The following LRRC4C variants were observed in gnomAD, a reference collection of about 807,000 sequenced individuals.
The protein encoded by LRRC4C is leucine-rich repeat-containing protein 4C.
In LRRC4C, 5 loss-of-function variants were observed where a neutral mutation model predicts 33.6. The observed-to-expected ratio is 0.15, with a 90% CI of 0.08 to 0.31. LRRC4C has a LOEUF of 0.31. Among genes scored for constraint, LRRC4C ranks in the 10% least tolerant of loss-of-function variants. The pLI is 1.00. For synonymous variants in LRRC4C, 329 were observed against 302.0 expected, an observed-to-expected ratio of 1.09 and a Z score of -0.93; for missense variants, 560 against 796.7, an observed-to-expected ratio of 0.70 and a Z score of 3.58.
chr11:40,508,696 G>T (rs1319662788), intron 3 of LRRC4C, among the ~76,000 whole-genome samples: 1 of 152,072 alleles, frequency 6.6e-6, no homozygotes, highest in Admixed American at 6.6e-5. Flanking sequence ...CTTTTAGAAT[G>T]AATTGTTATG....
chr11:40,470,640 A>G (rs1198545190), intron 3 of LRRC4C, among the ~76,000 whole-genome samples: 2 of 152,200 alleles, frequency 1.3e-5, no homozygotes, highest in African/African-American at 4.8e-5. Context: ...GAACCTTGAT[A>G]TAAGGTTACA....
intron 1 of LRRC4C, among the ~76,000 whole-genome samples, chr11:41,288,938 G>T (rs1290366353): frequency 6.6e-6 from 1 of 150,936 alleles, no homozygotes; most frequent in Non-Finnish European, 1.5e-5. Flanking sequence ...TTTTTTAAGA[G>T]CTCACTTGAT....
At chr11:40,297,576 G>A (rs774840653) in intron 4 of LRRC4C, among the ~76,000 whole-genome samples, 6 of 151,914 alleles carry the variant, frequency 3.9e-5, no homozygotes, top group Non-Finnish European at 5.9e-5. Context: ...CCTAAATACT[G>A]ATGTGCAAAT....
intron 3 of LRRC4C, among the ~76,000 whole-genome samples, chr11:40,506,998 CT>C (rs1414516178): frequency 2.6e-5 from 4 of 151,998 alleles, no homozygotes; most frequent in Admixed American, 2.6e-4. Context: ...ATTCTTATTG[CT>C]TTACTTGACA....
rs367850575 is a variant in LRRC4C, at chr11:41,099,401, A to AC, written c.-495-165679dup. Among the ~76,000 whole-genome samples, 35 of 151,272 alleles carry AC rather than the reference A, an allele frequency of 2.3e-4. 1 individual carries two copies. The East Asian group carries it at 5.7e-3, about 24-fold the overall frequency. On this transcript the variant is annotated intron_variant, in intron 1 of 6. Transcript: ENST00000528697. ...CATAAAAAAAAAAAGAAAAAAAAAA[A>AC]CTTCAGACCAATATCCATGAACATA...
chr11:40,833,062 G>C (rs954866779), intron 2 of LRRC4C, among the ~76,000 whole-genome samples: 4 of 152,052 alleles, frequency 2.6e-5, no homozygotes, highest in Admixed American at 2.6e-4. Flanking sequence ...TTTAATCTTA[G>C]TTAAAACTGT....
intron 1 of LRRC4C, among the ~76,000 whole-genome samples, chr11:41,100,522 C>T (rs144088813): frequency 6.6e-6 from 1 of 151,850 alleles, no homozygotes; most frequent in Non-Finnish European, 1.5e-5. Context: ...GAGCTGAGAT[C>T]GTGCCATTGC....
intron 2 of LRRC4C, among the ~76,000 whole-genome samples, chr11:40,791,878 T>TCC (rs1314113342): frequency 1.3e-5 from 2 of 152,116 alleles, no homozygotes; most frequent in Non-Finnish European, 2.9e-5. Context: ...GGTGATACAA[T>TCC]TCAGGAAGAT....
chr11:41,155,505 T>C lies in LRRC4C; in HGVS notation c.-495-221782A>G, dbSNP rs190617694. 1.7e-4 allele frequency among the ~76,000 whole-genome samples: 26 copies of C among 152,260 alleles called. No homozygotes were observed. The South Asian group carries it at 2.7e-3, about 16-fold the overall frequency. On this transcript the variant is annotated intron_variant, in intron 1 of 6. Coordinates refer to ENST00000528697, the MANE Select transcript of LRRC4C (RefSeq NM_001258419.2). ...TCAATGATACGAAACGTTTAACTTC[T>C]TCCTTTACCCTATGTCCCTTCCCAA...
intron 1 of LRRC4C, among the ~76,000 whole-genome samples, chr11:41,394,264 T>C (rs570243693): frequency 1.7e-4 from 26 of 152,084 alleles, no homozygotes; most frequent in Non-Finnish European, 3.1e-4. Context: ...GCAGTCCATT[T>C]CTAGGAGGGA....
intron 2 of LRRC4C, among the ~76,000 whole-genome samples, chr11:40,748,111 A>G (rs949140457): frequency 2.0e-5 from 3 of 152,170 alleles, no homozygotes; most frequent in African/African-American, 7.2e-5. Context: ...TAATATAGTC[A>G]AACTGTTTAA....
In LRRC4C at chr11:40,558,729, T is replaced by C. The variant is rs77596999; in HGVS notation, c.-270+89413A>G. Among the ~76,000 whole-genome samples, 1,507 of 152,126 alleles carry C rather than the reference T, an allele frequency of 9.9e-3. 16 individuals are homozygous for C. The highest frequency in any genetic ancestry group is 0.031 in the Middle Eastern group (9 of 294). On this transcript the variant is annotated intron_variant, in intron 3 of 6. Transcript: ENST00000528697. ...AAACTTTTATATTAGGTTTGGGAGG[T>C]AAATGTGAAGGTTTTTTTCTTACAT...
At chr11:40,457,888 G>A (rs184566305) in intron 3 of LRRC4C, among the ~76,000 whole-genome samples, 14 of 152,174 alleles carry the variant, frequency 9.2e-5, no homozygotes, top group Admixed American at 9.2e-4. Context: ...TTTTCTTGCA[G>A]TAGCCATTCT....
chr11:41,264,903 G>A (rs1435173166), intron 1 of LRRC4C, among the ~76,000 whole-genome samples: 1 of 152,144 alleles, frequency 6.6e-6, no homozygotes, highest in African/African-American at 2.4e-5. Context: ...TTTCCTTGAT[G>A]TAAGTTCAAG....
At chr11:40,218,613 TG>T (rs1390092274) in intron 5 of LRRC4C, among the ~76,000 whole-genome samples, 3 of 137,424 alleles carry the variant, frequency 2.2e-5, no homozygotes, top group Admixed American at 1.5e-4. Flanking sequence ...TATGTATGTA[TG>T]TATGTATGTA....
intron 1 of LRRC4C, among the ~76,000 whole-genome samples, chr11:41,214,257 G>A (rs1946939936): frequency 6.6e-6 from 1 of 152,080 alleles, no homozygotes; most frequent in Admixed American, 6.6e-5. Context: ...ACCCAAGTGA[G>A]AAGAAAATAA....
At chr11:41,430,868 AC>A (rs1955208927) in intron 1 of LRRC4C, among the ~76,000 whole-genome samples, 1 of 151,942 alleles carries the variant, frequency 6.6e-6, no homozygotes, top group Non-Finnish European at 1.5e-5. Context: ...TTCTCATCTT[AC>A]TTTTTCCCCT....
chr11:41,056,487 T>C (rs374905038), intron 1 of LRRC4C, among the ~76,000 whole-genome samples: 1 of 151,928 alleles, frequency 6.6e-6, no homozygotes, highest in Non-Finnish European at 1.5e-5. Context: ...AACCTACAGA[T>C]TGAGAGAAAA....
chr11:40,471,682 CAA>C (rs3041120), intron 3 of LRRC4C, among the ~76,000 whole-genome samples: 10 of 130,930 alleles, frequency 7.6e-5, no homozygotes, highest in Non-Finnish European at 4.9e-5. Context: ...AATGGAAAGC[CAA>C]AAAAAAAAAA....
Sources: gnomAD v4.1 joint callset for allele counts (sites outside exome capture counted in the v4.1 genomes callset) on GRCh38, gnomAD v4.1.1 for gene constraint, MANE v1.5 for transcripts, NCBI Gene and HGNC (gene_info 2026-07-23, HGNC 2026-07-21) for gene names.